The following ATP10B variants were observed in gnomAD, a reference collection of about 807,000 sequenced individuals.
ATP10B encodes the protein phospholipid-transporting ATPase VB.
In ATP10B, 122 loss-of-function variants were observed where a neutral mutation model predicts 141.2. The ratio of observed to expected loss-of-function variants is 0.86; its 90% CI spans 0.75 to 1.00. ATP10B has a LOEUF of 1.00. Among genes scored for constraint, ATP10B ranks in the 50% least tolerant of loss-of-function variants. ATP10B has a pLI of 0.00. For synonymous variants in ATP10B, 685 were observed against 692.0 expected (o/e 0.99, Z 0.16); for missense variants, 1,876 against 1,825.3 (o/e 1.03, Z -0.51).
At chr5:160,924,104 G>C in the ATP10B span, among the ~76,000 whole-genome samples, 355 of 152,338 alleles carry the variant, frequency 2.3e-3, 1 homozygote, top group African/African-American at 7.9e-3. Flanking sequence ...GGCCAGGGCT[G>C]CAAGGACTCA....
intron 3 of ATP10B, chr5:160,692,548 T>C (rs1295439138): frequency 1.3e-5 from 2 of 152,174 alleles, no homozygotes; most frequent in African/African-American, 4.8e-5. Context: ...GACATTAGAG[T>C]CATAAGGGTT....
At position 160,716,948 on chromosome 5, in the gene ATP10B, C is replaced by T; in HGVS notation, c.-244G>A. ...CCTTTAAGGAGGTTAGACCAGTGACCTTTGCTGTGCCCCTACAGCCACAGG... is the reference window on the plus strand; with the variant it reads ...CCTTTAAGGAGGTTAGACCAGTGACTTTTGCTGTGCCCCTACAGCCACAGG... On this transcript the variant is annotated 5_prime_UTR_variant, in exon 3 of 26. Coordinates refer to ENST00000327245, the MANE Select transcript of ATP10B (RefSeq NM_025153.3). The T allele has an allele frequency of 2.0e-6, 2 of 985,400 alleles. No individual in the cohort carries two copies. Among genetic ancestry groups the T allele is most frequent in the Non-Finnish European group, 2.4e-6 (2 of 829,926 alleles). 61.0% of individuals were successfully genotyped at this position (985,400 alleles called of 1,614,324 possible).
At chr5:160,809,533 A>G (rs1394286250) in intron 1 of ATP10B, among the ~76,000 whole-genome samples, 1 of 152,158 alleles carries the variant, frequency 6.6e-6, no homozygotes, top group Non-Finnish European at 1.5e-5. Flanking sequence ...TATCATTTCT[A>G]TGTGTTGGGA....
At chr5:160,797,816 C>CATG (rs1423341703) in intron 1 of ATP10B, among the ~76,000 whole-genome samples, 4 of 151,834 alleles carry the variant, frequency 2.6e-5, no homozygotes, top group Non-Finnish European at 5.9e-5. Flanking sequence ...AGAAGCTGTG[C>CATG]ATGGTGACAC....
intron 22 of ATP10B, 89 bp downstream of exon 22, chr5:160,598,681 A>C: frequency 8.2e-7 from 1 of 1,217,714 alleles, no homozygotes; most frequent in East Asian, 2.3e-5. Context: ...TGACCCCAGC[A>C]TACAGCTCTT....
intron 7 of ATP10B, among the ~76,000 whole-genome samples, chr5:160,660,489 C>A (rs944736497): frequency 2.0e-5 from 3 of 152,134 alleles, no homozygotes; most frequent in African/African-American, 7.2e-5. Context: ...TTTGGAGGAT[C>A]CTAGGCAACC....
intron 18 of ATP10B, among the ~76,000 whole-genome samples, chr5:160,610,876 T>C (rs1169269033): frequency 6.6e-6 from 1 of 152,214 alleles, no homozygotes; most frequent in Non-Finnish European, 1.5e-5. Context: ...CGGATGAGAA[T>C]TCTGAGGTCT....
chr5:160,798,173 G>A (rs779492008), intron 1 of ATP10B, among the ~76,000 whole-genome samples: 4 of 152,066 alleles, frequency 2.6e-5, no homozygotes, highest in Non-Finnish European at 4.4e-5. Flanking sequence ...AAGGGACTAA[G>A]GTGGGAAAGA....
At chr5:160,724,572 A>G (rs1202801404) in intron 2 of ATP10B, among the ~76,000 whole-genome samples, 2 of 152,196 alleles carry the variant, frequency 1.3e-5, no homozygotes, top group African/African-American at 2.4e-5. Flanking sequence ...TCTGCAGTTA[A>G]TACTGACAGC....
At chr5:160,824,735 T>C (rs1452305337) in intron 1 of ATP10B, among the ~76,000 whole-genome samples, 1 of 150,860 alleles carries the variant, frequency 6.6e-6, no homozygotes. Flanking sequence ...AAAATATATA[T>C]TGTAATATTG....
intron 2 of ATP10B, among the ~76,000 whole-genome samples, chr5:160,747,038 C>T (rs1302234650): frequency 3.3e-5 from 5 of 152,200 alleles, no homozygotes; most frequent in Non-Finnish European, 7.3e-5. Flanking sequence ...AAAACTGAGA[C>T]ATTTCACATA....
At chr5:160,847,208 C>T (rs144450372) in intron 1 of ATP10B, among the ~76,000 whole-genome samples, 216 of 152,246 alleles carry the variant, frequency 1.4e-3, no homozygotes, top group Admixed American at 2.7e-3. Context: ...TCTAATAGTT[C>T]CTGGGGCATT....
the ATP10B span, among the ~76,000 whole-genome samples, chr5:160,894,971 G>A: frequency 6.6e-6 from 1 of 152,116 alleles, no homozygotes; most frequent in East Asian, 1.9e-4. Context: ...ATAAGTGAAG[G>A]AGAAATAAAA....
intron 2 of ATP10B, among the ~76,000 whole-genome samples, chr5:160,744,580 T>C (rs1044229574): frequency 2.6e-5 from 4 of 152,196 alleles, no homozygotes; most frequent in African/African-American, 9.6e-5. Flanking sequence ...GTCTGTTTGT[T>C]CCTAACCACA....
intron 1 of ATP10B, among the ~76,000 whole-genome samples, chr5:160,812,020 C>G (rs7721689): frequency 1.9e-3 from 209 of 111,440 alleles, no homozygotes; most frequent in East Asian, 3.3e-3. Context: ...GAGACAGAGA[C>G]AGAGAGAGAG....
rs1347580837 is a variant in ATP10B, at chr5:160,675,081, C to G, written c.471-4414G>C. The stretch of plus-strand genomic sequence containing the variant: ...GCCGAATCCTGCTGATACAGAAAAG[C>G]AGCATGCTCTTGCATGGAGTGAAGC... On this transcript the variant is annotated intron_variant, in intron 6 of 25. Coordinates refer to ENST00000327245, the MANE Select transcript of ATP10B (RefSeq NM_025153.3). Among the ~76,000 whole-genome samples, 3 of 152,178 alleles carry G rather than the reference C, an allele frequency of 2.0e-5. No homozygotes were observed. In the East Asian group the frequency reaches 5.8e-4, roughly 29 times the overall value.
intron 2 of ATP10B, among the ~76,000 whole-genome samples, chr5:160,773,629 CAGCA>C (rs1401384807): frequency 1.3e-5 from 2 of 152,202 alleles, no homozygotes; most frequent in South Asian, 2.1e-4. Context: ...CAACATCACA[CAGCA>C]AGCAAGTGGC....
intron 1 of ATP10B, among the ~76,000 whole-genome samples, chr5:160,846,888 A>G (rs1351101217): frequency 2.6e-5 from 4 of 152,044 alleles, no homozygotes; most frequent in South Asian, 2.1e-4. Context: ...CATCCACAAC[A>G]TGGAGCTAAT....
rs1358124081 is a variant in ATP10B at position 160,687,685 on chromosome 5, A to T, written c.275+115T>A. The T allele has an allele frequency of 5.7e-6, 7 of 1,233,050 alleles. No homozygotes were observed. In the South Asian group the frequency reaches 8.9e-5, roughly 16 times the overall value. 76.4% of individuals were successfully genotyped at this position (1,233,050 alleles called of 1,614,324 possible). A position where few individuals can be genotyped will look rare whatever the true frequency, so the allele number is the denominator to read the frequency against. ...GAGGCTGAGGTGGGAGATTCCCTTG[A>T]ACCCAGGAGGTGAAGGTTGCAGTGA... On this transcript the variant is annotated intron_variant, in intron 5 of 25. Coordinates refer to ENST00000327245, the MANE Select transcript of ATP10B (RefSeq NM_025153.3).
Sources: gnomAD v4.1 joint callset for allele counts (sites outside exome capture counted in the v4.1 genomes callset) on GRCh38, gnomAD v4.1.1 for gene constraint, MANE v1.5 for transcripts, NCBI Gene and HGNC (gene_info 2026-07-23, HGNC 2026-07-21) for gene names.